RNF220: variants seen among roughly 807,000 people sequenced by gnomAD.
RNF220 encodes ring finger protein 220, also known as E3 ubiquitin-protein ligase RNF220.
RNF220 carries 7 observed loss-of-function variants against 67.1 expected under a neutral mutation model. The ratio of observed to expected loss-of-function variants is 0.10; its 90% CI spans 0.06 to 0.20. RNF220 has a LOEUF of 0.20. Ranked by LOEUF, RNF220 falls within the 10% of genes least tolerant of loss-of-function variation. The pLI is 1.00. For synonymous variants in RNF220, 270 were observed against 283.2 expected (o/e 0.95, Z 0.47); for missense variants, 565 against 740.3 (o/e 0.76, Z 2.75).
At chr1:44,411,753 C>T (rs114847782) in intron 1 of RNF220, among the ~76,000 whole-genome samples, 4,069 of 152,186 alleles carry the variant, frequency 0.027, 79 homozygotes, top group Non-Finnish European at 0.035. Flanking sequence ...TCACCCAGAA[C>T]GTGTAGGGAC....
At chr1:44,405,568 A>C in intron 1 of RNF220, 38 bp downstream of exon 1, 1 of 349,848 alleles carries the variant, frequency 2.9e-6, no homozygotes, top group Admixed American at 4.9e-5. Context: ...GTGTGTGCGT[A>C]CCCAAGAGGG....
chr1:44,531,265 G>A (rs1206502596), intron 2 of RNF220, among the ~76,000 whole-genome samples: 2 of 152,164 alleles, frequency 1.3e-5, no homozygotes, highest in African/African-American at 4.8e-5. Context: ...TATTTCTTCT[G>A]TCCCATTTCT....
chr1:44,486,034 A>T (rs1422938660), intron 2 of RNF220, among the ~76,000 whole-genome samples: 4 of 151,968 alleles, frequency 2.6e-5, no homozygotes, highest in African/African-American at 2.4e-5. Flanking sequence ...TTTATTTTTT[A>T]TTTATTTTTA....
intron 2 of RNF220, among the ~76,000 whole-genome samples, chr1:44,602,953 C>A (rs1667028310): frequency 6.6e-6 from 1 of 152,124 alleles, no homozygotes. Context: ...TGCTCCCTGC[C>A]TCCTTCTCTC....
At position 44,412,246 on chromosome 1, in the gene RNF220, T is replaced by G; in HGVS notation, c.149T>G (p.Val50Gly). 6.2e-7 allele frequency: 1 copy of G among 1,614,224 alleles called. No homozygotes were observed. Among genetic ancestry groups the G allele is most frequent in the South Asian group, 1.1e-5 (1 of 91,088 alleles). Residue 50 changes from valine to glycine, a missense_variant, in exon 2 of 15, where the codon GTA becomes GGA. Coordinates refer to ENST00000361799, the MANE Select transcript of RNF220 (RefSeq NM_018150.4). The surrounding 1 kb of genome is among the most constrained non-coding windows in gnomAD (Gnocchi z 5.3). The stretch of plus-strand genomic sequence containing the variant: ...TGTCAGCAGCCACGACCCTTTGGTG[T>G]ACCTGTCTCAGTTGACAAGGACGTG... The part of the protein sequence containing the change: ...IPCQQPRPFG[V>G]PVSVDKDVHI...
At chr1:44,629,598 G>C (rs1361135524) in intron 5 of RNF220, among the ~76,000 whole-genome samples, 4 of 152,322 alleles carry the variant, frequency 2.6e-5, no homozygotes, top group Non-Finnish European at 2.9e-5. Flanking sequence ...AGCACTTTGG[G>C]AGGCCAACGC....
intron 2 of RNF220, among the ~76,000 whole-genome samples, chr1:44,472,622 TA>T (rs1380089517): frequency 6.6e-6 from 1 of 152,218 alleles, no homozygotes; most frequent in Non-Finnish European, 1.5e-5. Flanking sequence ...GCCTACAGGA[TA>T]AAATAAACAT....
chr1:44,555,287 C>T (rs749398444), intron 2 of RNF220, among the ~76,000 whole-genome samples: 29 of 152,160 alleles, frequency 1.9e-4, no homozygotes, highest in African/African-American at 5.1e-4. Context: ...AGGAATGTCT[C>T]GAACTCCTGG....
At chr1:44,569,949 G>A (rs10158231) in intron 2 of RNF220, among the ~76,000 whole-genome samples, 49,861 of 151,972 alleles carry the variant, frequency 0.33, 8,939 homozygotes, top group African/African-American at 0.48. Context: ...GTGGTTCTAG[G>A]TGCTGTGAGC....
At chr1:44,519,234 T>G (rs1456192323) in intron 2 of RNF220, among the ~76,000 whole-genome samples, 1 of 152,224 alleles carries the variant, frequency 6.6e-6, no homozygotes, top group African/African-American at 2.4e-5. Context: ...ATTCATTCAG[T>G]CATTTATTTA....
chr1:44,643,715 C>T (rs1285197101), intron 8 of RNF220: 1 of 152,326 alleles, frequency 6.6e-6, no homozygotes, highest in Admixed American at 6.5e-5. Flanking sequence ...TCCCAGTAGC[C>T]ACAGAGTCTC....
chr1:44,506,890 T>C (rs1426014774), intron 2 of RNF220, among the ~76,000 whole-genome samples: 1 of 152,008 alleles, frequency 6.6e-6, no homozygotes, highest in Non-Finnish European at 1.5e-5. Context: ...AGCTAATGAG[T>C]GACTACAGAC....
intron 2 of RNF220, among the ~76,000 whole-genome samples, chr1:44,601,313 A>C (rs767349686): frequency 1.3e-5 from 2 of 152,176 alleles, no homozygotes; most frequent in Non-Finnish European, 2.9e-5. Context: ...GAGTCTTTGG[A>C]GCATCTTAGG....
At chr1:44,441,581 A>C (rs1651559745) in intron 2 of RNF220, among the ~76,000 whole-genome samples, 1 of 152,216 alleles carries the variant, frequency 6.6e-6, no homozygotes. Flanking sequence ...GAACATTTTA[A>C]ATGGATGAGG....
intron 2 of RNF220, among the ~76,000 whole-genome samples, chr1:44,595,154 A>C (rs965324301): frequency 1.3e-5 from 2 of 152,184 alleles, no homozygotes; most frequent in Non-Finnish European, 2.9e-5. Flanking sequence ...ATTAACCTCC[A>C]AGTGTTCCAT....
Position 44,412,172 on chromosome 1 carries a change from G to T in RNF220, c.75G>T (p.Leu25=). 6 of 1,614,170 alleles carry T rather than the reference G, an allele frequency of 3.7e-6. No individual in the cohort carries two copies. The highest frequency in any genetic ancestry group is 5.1e-6 in the Non-Finnish European group (6 of 1,180,020). Residue 25 remains leucine (L), a synonymous_variant, in exon 2 of 15, where the codon CTG becomes CTT. Coordinates refer to ENST00000361799, the MANE Select transcript of RNF220 (RefSeq NM_018150.4). This position sits in a 1 kb window ranked among gnomAD's most constrained non-coding sequence, Gnocchi z 5.3. ...CCAACCCTCTGGCATCCCCAGCACT[G>T]ATGGTCCTGGCATCCACGGCTGAGG... The part of the protein sequence containing the change: ...YLPNPLASPA[L]MVLASTAEAS...
chr1:44,477,446 C>A (rs1655395123), intron 2 of RNF220, among the ~76,000 whole-genome samples: 1 of 152,140 alleles, frequency 6.6e-6, no homozygotes, highest in Non-Finnish European at 1.5e-5. Flanking sequence ...TTAAGGCCTG[C>A]AATGAGCAAG....
chr1:44,604,949 A>T (rs1241552531), intron 2 of RNF220, among the ~76,000 whole-genome samples: 2 of 152,142 alleles, frequency 1.3e-5, no homozygotes, highest in Non-Finnish European at 2.9e-5. Context: ...CATGTAAGGA[A>T]CCTCATGCTG....
intron 2 of RNF220, among the ~76,000 whole-genome samples, chr1:44,436,533 A>C (rs1439474821): frequency 6.6e-6 from 1 of 152,302 alleles, no homozygotes; most frequent in East Asian, 1.9e-4. Flanking sequence ...GATTTTGCCC[A>C]GTTTAAATCC....
Sources: gnomAD v4.1 joint callset for allele counts (sites outside exome capture counted in the v4.1 genomes callset) on GRCh38, gnomAD v4.1.1 for gene constraint, Gnocchi (gnomAD v3.1) non-coding constraint, MANE v1.5 for transcripts, NCBI Gene and HGNC (gene_info 2026-07-23, HGNC 2026-07-21) for gene names.